LRFN2: variants seen among roughly 807,000 people sequenced by gnomAD.
LRFN2 encodes leucine rich repeat and fibronectin type III domain containing 2.
Under a neutral mutation model 37.3 loss-of-function variants are expected in LRFN2, and 18 were observed. That is an observed-to-expected ratio of 0.48 (90% confidence interval 0.33 to 0.72). The LOEUF (loss-of-function observed/expected upper bound fraction) is 0.72. Among genes scored for constraint, LRFN2 ranks in the 30% least tolerant of loss-of-function variants. The pLI is 0.02. For synonymous variants in LRFN2, 556 were observed against 466.6 expected, an observed-to-expected ratio of 1.19 and a Z score of -2.47; for missense variants, 1,006 against 1,060.7, an observed-to-expected ratio of 0.95 and a Z score of 0.72.
chr6:40,410,597 A>G lies in LRFN2; in HGVS notation c.1401-17685T>C, dbSNP rs150379350. ...AGTAATGTACACCAAGCACTGGCAT[A>G]CAATATATACTCAATAAATCATTTA... On this transcript the variant is annotated intron_variant, in intron 2 of 2. Coordinates refer to ENST00000338305, the MANE Select transcript of LRFN2 (RefSeq NM_020737.3). Among the ~76,000 whole-genome samples, 136 of 152,368 alleles carry G rather than the reference A, an allele frequency of 8.9e-4. 1 individual carries two copies. Among genetic ancestry groups the G allele is most frequent in the African/African-American group, 3.0e-3 (126 of 41,594 alleles).
intron 1 of LRFN2, among the ~76,000 whole-genome samples, chr6:40,438,700 A>C (rs1027721203): frequency 3.9e-5 from 6 of 152,060 alleles, no homozygotes; most frequent in Non-Finnish European, 7.4e-5. Context: ...GTTTGGCTAC[A>C]TGTGGGCACT....
rs148766777 is a variant in LRFN2, at chr6:40,570,648, A to G, written c.-19+16293T>C. ...CATGGGGCCGGGGGAAGCTGCTCTT[A>G]GTGAGAGCAGCAAGGGGCCAAACTT... On this transcript the variant is annotated intron_variant, in intron 1 of 2. Transcript: ENST00000338305. Among the ~76,000 whole-genome samples the G allele has an allele frequency of 5.9e-5, 9 of 152,316 alleles. No homozygotes were observed. The East Asian group carries it at 1.5e-3, about 26-fold the overall frequency.
intron 1 of LRFN2, among the ~76,000 whole-genome samples, chr6:40,559,312 A>G (rs1227536611): frequency 6.6e-6 from 1 of 152,160 alleles, no homozygotes; most frequent in East Asian, 1.9e-4. Flanking sequence ...CCACACTGAG[A>G]TACTCAGTCT....
At chr6:40,460,234 C>G (rs1764319627) in intron 1 of LRFN2, among the ~76,000 whole-genome samples, 1 of 152,186 alleles carries the variant, frequency 6.6e-6, no homozygotes, top group African/African-American at 2.4e-5. Context: ...TCAATTAAGT[C>G]AAACATCTGG....
intron 1 of LRFN2, among the ~76,000 whole-genome samples, chr6:40,585,982 T>G (rs1767495195): frequency 6.6e-6 from 1 of 152,184 alleles, no homozygotes. Context: ...TGTCTGTCCG[T>G]CTGCAGCTGT....
At chr6:40,528,343 AG>A (rs1766291995) in intron 1 of LRFN2, among the ~76,000 whole-genome samples, 1 of 152,228 alleles carries the variant, frequency 6.6e-6, no homozygotes, top group Admixed American at 6.5e-5. Context: ...CCATGGGAAG[AG>A]GGAGCACTCA....
At position 40,432,865 on chromosome 6, in the gene LRFN2, C is replaced by T. The variant is rs761625163; in HGVS notation, c.249G>A (p.Leu83=). 8.1e-6 allele frequency: 13 copies of T among 1,614,222 alleles called. 1 individual carries two copies. The South Asian group carries it at 1.2e-4, about 15-fold the overall frequency. The stretch of plus-strand genomic sequence containing the variant: ...GGATGTGGCTGATGGTGTTCCTGGA[C>T]AGGGTCAGGTCCACCAGCCCCGTCA... ...ANMTGLVDLT[L]SRNTISHIQP... Residue 83 remains leucine, a synonymous_variant, in exon 2 of 3, where the codon CTG becomes CTA. Coordinates refer to ENST00000338305, the MANE Select transcript of LRFN2 (RefSeq NM_020737.3).
chr6:40,511,643 G>A (rs919736705), intron 1 of LRFN2, among the ~76,000 whole-genome samples: 4 of 152,170 alleles, frequency 2.6e-5, no homozygotes, highest in African/African-American at 4.8e-5. Flanking sequence ...AAGGAGGCAC[G>A]AGGGGTGTTC....
chr6:40,443,098 G>A (rs1763880394), intron 1 of LRFN2, among the ~76,000 whole-genome samples: 1 of 152,248 alleles, frequency 6.6e-6, no homozygotes, highest in Non-Finnish European at 1.5e-5. Flanking sequence ...TTTGTGGGTG[G>A]CCAGGCTGGG....
rs1376138396 is a variant in LRFN2, at chr6:40,432,500, G to A, written c.614C>T (p.Thr205Ile). 6.2e-7 allele frequency: 1 copy of A among 1,614,126 alleles called. No homozygotes were observed. The highest frequency in any genetic ancestry group is 1.7e-5 in the Admixed American group (1 of 60,016). ...GGGCAGCTTCTGCAGCCGATTGGAG[G>A]TGAGATCCAGGCGGGCCAGTTTCTG... ...DLQKLARLDL[T>I]SNRLQKLPPD... Residue 205 changes from threonine (T) to isoleucine (I), a missense_variant, in exon 2 of 3, where the codon ACC becomes ATC. Physicochemically the swap from Thr to Ile is moderately conservative, Grantham distance 89. Around this residue, in one of 4 missense-constraint regions of LRFN2, gnomAD observed 303 missense variants for 299.8 expected, o/e 1.01. Transcript: ENST00000338305.
At chr6:40,403,534 C>T (rs1762785773) in intron 2 of LRFN2, among the ~76,000 whole-genome samples, 2 of 152,178 alleles carry the variant, frequency 1.3e-5, no homozygotes, top group African/African-American at 2.4e-5. Context: ...CTGGCAGTTA[C>T]TTTAGACTCT....
chr6:40,464,025 C>CAGTG, intron 1 of LRFN2, among the ~76,000 whole-genome samples: 1 of 152,288 alleles, frequency 6.6e-6, no homozygotes, highest in Middle Eastern at 3.4e-3. Flanking sequence ...TTAACTCGGA[C>CAGTG]TTTACTCTGC....
chr6:40,419,178 C>T (rs985570285), intron 2 of LRFN2, among the ~76,000 whole-genome samples: 1 of 152,206 alleles, frequency 6.6e-6, no homozygotes. Flanking sequence ...GGTCCTGTTT[C>T]TTTACCAGCC....
intron 1 of LRFN2, among the ~76,000 whole-genome samples, chr6:40,569,416 C>G (rs989096973): frequency 1.3e-5 from 2 of 152,132 alleles, no homozygotes; most frequent in East Asian, 1.9e-4. Flanking sequence ...CAGAGGCCAA[C>G]AGGGTGTGGA....
intron 1 of LRFN2, among the ~76,000 whole-genome samples, chr6:40,541,290 G>A (rs1420042950): frequency 6.6e-6 from 1 of 152,176 alleles, no homozygotes; most frequent in Non-Finnish European, 1.5e-5. Flanking sequence ...TGTGTGGGAT[G>A]ACACCTCCCT....
intron 1 of LRFN2, among the ~76,000 whole-genome samples, chr6:40,443,819 G>A (rs939767160): frequency 6.6e-6 from 1 of 152,150 alleles, no homozygotes; most frequent in Non-Finnish European, 1.5e-5. Context: ...GGCAACAGAG[G>A]GGAGCTACTC....
rs1762531824 is a variant in LRFN2 at position 40,392,518 on chromosome 6, G to A, written c.1795C>T (p.Pro599Ser). 6.3e-7 allele frequency: 1 copy of A among 1,589,932 alleles called. No individual in the cohort carries two copies. Among genetic ancestry groups the A allele is most frequent in the Non-Finnish European group, 8.5e-7 (1 of 1,170,576 alleles). Residue 599 changes from proline (P) to serine (S), a missense_variant, in exon 3 of 3, where the codon CCG becomes TCG. Physicochemically the swap from Pro to Ser is moderately conservative, Grantham distance 74. Around this residue, in one of 4 missense-constraint regions of LRFN2, gnomAD observed 398 missense variants for 327.6 expected, o/e 1.21. Transcript: ENST00000338305. This position sits in a 1 kb window ranked among gnomAD's most constrained non-coding sequence, Gnocchi z 4.7. ...SAPAGAPPQGPPKVVVRNELL... is the reference protein window; with the variant it reads ...SAPAGAPPQGSPKVVVRNELL... ...TCGTTGCGCACCACCACCTTCGGCG[G>A]GCCCTGCGGCGGGGCCCCGGCTGGT...
intron 1 of LRFN2, among the ~76,000 whole-genome samples, chr6:40,490,430 C>T (rs1197416869): frequency 6.6e-6 from 1 of 152,156 alleles, no homozygotes; most frequent in Non-Finnish European, 1.5e-5. Context: ...GCTCAGGGCT[C>T]ACCATGCAGC....
chr6:40,506,064 ATGGCTTGGAAC>A (rs767606493), intron 1 of LRFN2, among the ~76,000 whole-genome samples: 1 of 152,246 alleles, frequency 6.6e-6, no homozygotes, highest in African/African-American at 2.4e-5. Flanking sequence ...GAGCCTGGGC[ATGGCTTGGAAC>A]TGTCACCATT....
Sources: allele counts gnomAD v4.1 joint callset (sites outside exome capture counted in the v4.1 genomes callset), GRCh38; gene constraint gnomAD v4.1.1; regional missense constraint gnomAD v4.1.1; non-coding constraint Gnocchi (gnomAD v3.1); transcripts MANE v1.5; gene names NCBI Gene and HGNC (gene_info 2026-07-23, HGNC 2026-07-21).